The following POC1A variants were observed in gnomAD, a reference collection of about 807,000 sequenced individuals.
POC1A encodes the protein POC1 centriolar protein A.
POC1A carries 34 observed loss-of-function variants against 47.8 expected under a neutral mutation model. The ratio of observed to expected loss-of-function variants is 0.71; its 90% CI spans 0.54 to 0.95. The LOEUF (loss-of-function observed/expected upper bound fraction) is 0.95. Among genes scored for constraint, POC1A ranks in the 40% least tolerant of loss-of-function variants. POC1A has a pLI of 0.00. For synonymous variants in POC1A, 177 were observed against 207.6 expected (o/e 0.85, Z 1.27); for missense variants, 466 against 528.3 (o/e 0.88, Z 1.16).
chr3:52,120,653 T>G (rs1309747370), intron 9 of POC1A, among the ~76,000 whole-genome samples: 1 of 152,178 alleles, frequency 6.6e-6, no homozygotes, highest in Admixed American at 6.5e-5. Flanking sequence ...TTTCCCCTAT[T>G]TGAGGCCCAC....
intron 9 of POC1A, among the ~76,000 whole-genome samples, chr3:52,116,338 G>A (rs574036524): frequency 4.0e-4 from 61 of 152,328 alleles, no homozygotes; most frequent in Admixed American, 1.3e-3. Context: ...GAGGAACTAG[G>A]AAGAAGAAAT....
At chr3:52,117,859 G>T (rs2107070784) in intron 9 of POC1A, among the ~76,000 whole-genome samples, 1 of 152,282 alleles carries the variant, frequency 6.6e-6, no homozygotes, top group East Asian at 1.9e-4. Context: ...TTAAAAAGTG[G>T]TTAAAAAATG....
intron 10 of POC1A, among the ~76,000 whole-genome samples, chr3:52,082,929 C>T (rs1670480984): frequency 6.6e-6 from 1 of 152,158 alleles, no homozygotes; most frequent in Non-Finnish European, 1.5e-5. Context: ...AATTAGGTGT[C>T]TGCTGAAAGC....
chr3:52,088,484 C>T (rs1017653879), intron 10 of POC1A, among the ~76,000 whole-genome samples: 7 of 152,160 alleles, frequency 4.6e-5, no homozygotes, highest in African/African-American at 1.7e-4. Flanking sequence ...TGGATCAGGG[C>T]CCTTTACAGA....
At chr3:52,114,842 G>A (rs1703506053) in intron 9 of POC1A, among the ~76,000 whole-genome samples, 1 of 152,328 alleles carries the variant, frequency 6.6e-6, no homozygotes, top group East Asian at 1.9e-4. Flanking sequence ...AGCCACACGA[G>A]GTGGAATGGT....
intron 7 of POC1A, 27 bp downstream of exon 7, chr3:52,138,142 A>G: frequency 6.2e-7 from 1 of 1,613,248 alleles, no homozygotes; most frequent in Admixed American, 1.7e-5. Context: ...ACTCCACACC[A>G]CTCAGCACCT....
At chr3:52,118,205 T>C (rs1339215500) in intron 9 of POC1A, among the ~76,000 whole-genome samples, 1 of 152,100 alleles carries the variant, frequency 6.6e-6, no homozygotes, top group Non-Finnish European at 1.5e-5. Context: ...AGGCTGAACA[T>C]GGAGCTTCTG....
At chr3:52,144,225 G>A (rs955819401) in intron 6 of POC1A, among the ~76,000 whole-genome samples, 7 of 152,078 alleles carry the variant, frequency 4.6e-5, no homozygotes, top group African/African-American at 7.2e-5. Context: ...ACCTGCCCAC[G>A]TTCCCCAGGC....
rs575793857 is a variant in POC1A at position 52,121,323 on chromosome 3, A to G, written c.981+1056T>C. Among the ~76,000 whole-genome samples the G allele has an allele frequency of 1.1e-4, 17 of 152,342 alleles. No individual in the cohort carries two copies. In the South Asian group the frequency reaches 3.5e-3, roughly 32 times the overall value. On this transcript the variant is annotated intron_variant, in intron 9 of 10. Coordinates refer to ENST00000296484, the MANE Select transcript of POC1A (RefSeq NM_015426.5). ...AAGATGAACTGGCAGCAAGCAGTGC[A>G]TCATGCAGCCCAGTCATCCCCCAAC...
chr3:52,133,996 C>A (rs529679847), intron 7 of POC1A, among the ~76,000 whole-genome samples: 2 of 152,362 alleles, frequency 1.3e-5, no homozygotes, highest in East Asian at 1.9e-4. Context: ...CACAGCAGGT[C>A]CCCTGCGTCC....
At chr3:52,092,105 G>C (rs1702663412) in intron 10 of POC1A, among the ~76,000 whole-genome samples, 5 of 152,208 alleles carry the variant, frequency 3.3e-5, no homozygotes, top group Admixed American at 2.6e-4. Context: ...TGGGATCAGG[G>C]CCCAGAGAAG....
intron 8 of POC1A, 145 bp from the exon 9 acceptor site, chr3:52,122,622 G>C (rs1288528402): frequency 3.1e-6 from 2 of 638,812 alleles, no homozygotes; most frequent in Admixed American, 2.3e-5. Context: ...ACTCAATTCC[G>C]GGACCTACCC....
At chr3:52,153,766 T>G (rs569210117) in intron 1 of POC1A, among the ~76,000 whole-genome samples, 108 of 152,366 alleles carry the variant, frequency 7.1e-4, no homozygotes, top group African/African-American at 2.5e-3. Flanking sequence ...TATCCTAGCC[T>G]GGAATCTCCG....
chr3:52,096,686 TG>T lies in POC1A; in HGVS notation c.1007del (p.Pro336GlnfsTer18). The T allele has an allele frequency of 1.9e-6, 3 of 1,603,378 alleles. No homozygotes were observed. Among genetic ancestry groups the T allele is most frequent in the African/African-American group, 1.4e-5 (1 of 74,008 alleles). On this transcript the variant is annotated frameshift_variant, in exon 10 of 11. Coordinates refer to ENST00000296484, the MANE Select transcript of POC1A (RefSeq NM_015426.5). LOFTEE classifies it high-confidence loss of function. ...CAGACTCCACACTCCTGCCTCTGCC[TG>T]GGGGGACAGGGAAGTCCACTTCTGG... ...NLPEVDFPVP[P>X]GRGRSVESVQ...
chr3:52,121,456 C>T (rs757400755), intron 9 of POC1A, among the ~76,000 whole-genome samples: 5 of 152,234 alleles, frequency 3.3e-5, no homozygotes, highest in Non-Finnish European at 7.3e-5. Context: ...CCAACTGGGC[C>T]AATGCCTAGA....
intron 10 of POC1A, among the ~76,000 whole-genome samples, chr3:52,093,366 C>T (rs1702706119): frequency 1.3e-5 from 2 of 152,136 alleles, no homozygotes. Context: ...GCTCTGAGGG[C>T]CAAGGAATGG....
At chr3:52,089,612 C>T (rs1702578911) in intron 10 of POC1A, among the ~76,000 whole-genome samples, 1 of 152,182 alleles carries the variant, frequency 6.6e-6, no homozygotes, top group Non-Finnish European at 1.5e-5. Flanking sequence ...CACCACCACC[C>T]TTATGGCCCT....
At chr3:52,122,311 A>C in intron 9 of POC1A, 68 bp downstream of exon 9, 2 of 888,864 alleles carry the variant, frequency 2.3e-6, no homozygotes, top group Non-Finnish European at 1.9e-6. Context: ...CTCCAAGCCC[A>C]GAGCTGTTCA....
intron 7 of POC1A, among the ~76,000 whole-genome samples, chr3:52,125,746 C>T (rs1016121931): frequency 2.0e-5 from 3 of 152,140 alleles, no homozygotes; most frequent in East Asian, 3.9e-4. Flanking sequence ...CAATGTGACA[C>T]GTCTCTCTAA....
Sources: gnomAD v4.1 joint callset for allele counts (sites outside exome capture counted in the v4.1 genomes callset) on GRCh38, gnomAD v4.1.1 for gene constraint, MANE v1.5 for transcripts, NCBI Gene and HGNC (gene_info 2026-07-23, HGNC 2026-07-21) for gene names.